Variants in GSE1 observed in about 807,000 individuals in gnomAD.
The protein encoded by GSE1 is genetic suppressor element 1.
In GSE1, 32 loss-of-function variants were observed where a neutral mutation model predicts 112.6. The ratio of observed to expected loss-of-function variants is 0.28; its 90% CI spans 0.21 to 0.38. The LOEUF is 0.38. Among genes scored for constraint, GSE1 ranks in the 10% least tolerant of loss-of-function variants. The pLI is 1.00. For missense variants in GSE1, 2,348 were observed against 1,699.2 expected (o/e 1.38, Z -6.71); for synonymous variants, 1,115 against 735.6 (o/e 1.52, Z -8.35).
intron 2 of GSE1, among the ~76,000 whole-genome samples, chr16:85,389,284 A>AC (rs908599670): frequency 6.6e-6 from 1 of 152,006 alleles, no homozygotes; most frequent in African/African-American, 2.4e-5. Flanking sequence ...ACATGGTGAA[A>AC]CCCCGTCTCT....
At chr16:85,388,905 A>T (rs1330102569) in intron 2 of GSE1, among the ~76,000 whole-genome samples, 1 of 152,142 alleles carries the variant, frequency 6.6e-6, no homozygotes, top group Admixed American at 6.5e-5. Context: ...TAGATGGGGA[A>T]TCCCCAGGGA....
intron 2 of GSE1, among the ~76,000 whole-genome samples, chr16:85,360,847 C>T (rs571145966): frequency 5.3e-5 from 8 of 151,840 alleles, no homozygotes; most frequent in South Asian, 2.1e-4. Context: ...CACAGAAACC[C>T]GTGACACACA....
rs529736500 is a variant in GSE1, at chr16:85,306,554, T to A, written c.2284-50909T>A. Among the ~76,000 whole-genome samples, 248 of 152,326 alleles carry A rather than the reference T, an allele frequency of 1.6e-3. 4 individuals carry two copies. In the South Asian group the frequency reaches 0.036, roughly 22 times the overall value. ...GGGAAATAACTTTCTAGCCTTTTTT[T>A]AAAAATTGTTTTAGAGATGGGGTCT... On this transcript the variant is annotated intron_variant, in intron 1 of 2. Coordinates refer to the GSE1 transcript ENST00000637419.
At chr16:85,509,609 A>G (rs2051665364) in intron 2 of GSE1, among the ~76,000 whole-genome samples, 1 of 152,194 alleles carries the variant, frequency 6.6e-6, no homozygotes, top group Non-Finnish European at 1.5e-5. Context: ...GTGACGTTGA[A>G]TGGAAAGGCC....
intron 1 of GSE1, among the ~76,000 whole-genome samples, chr16:85,355,917 C>G (rs2046942364): frequency 6.6e-6 from 1 of 152,070 alleles, no homozygotes; most frequent in African/African-American, 2.4e-5. Context: ...ATCCCAGCTA[C>G]TCGGGAGGCT....
intron 1 of GSE1, among the ~76,000 whole-genome samples, chr16:85,574,634 G>T (rs1239595153): frequency 6.6e-6 from 1 of 152,236 alleles, no homozygotes; most frequent in Non-Finnish European, 1.5e-5. Flanking sequence ...GCCTCCAGAG[G>T]ACACCTGGGC....
exon 1 of GSE1, chr16:85,169,701 G>T: frequency 1.0e-6 from 1 of 983,544 alleles, no homozygotes; most frequent in Middle Eastern, 5.2e-4. Context: ...CCCCGGCGCA[G>T]CCCTTCTTCC....
intron 2 of GSE1, among the ~76,000 whole-genome samples, chr16:85,501,408 TAG>T (rs2051362554): frequency 6.8e-6 from 1 of 147,390 alleles, no homozygotes; most frequent in African/African-American, 2.5e-5. Context: ...TTTTTTTTTT[TAG>T]GGGATGGAGT....
chr16:85,263,657 C>G (rs1907940818), intron 1 of GSE1, among the ~76,000 whole-genome samples: 1 of 151,858 alleles, frequency 6.6e-6, no homozygotes, highest in South Asian at 2.1e-4. Context: ...ACTGCAACCT[C>G]TGCCTCCAGG....
chr16:85,301,665 T>G (rs2045530837), intron 1 of GSE1, among the ~76,000 whole-genome samples: 1 of 152,214 alleles, frequency 6.6e-6, no homozygotes, highest in African/African-American at 2.4e-5. Context: ...TCTGTTGCCA[T>G]CTGTGTTTCC....
At chr16:85,576,014 C>T (rs2046215350) in intron 1 of GSE1, among the ~76,000 whole-genome samples, 1 of 151,292 alleles carries the variant, frequency 6.6e-6, no homozygotes, top group Admixed American at 6.6e-5. Context: ...GGGAGTATTA[C>T]CTGGAAGAGG....
chr16:85,643,332 A>T (rs1419383708), intron 2 of GSE1, among the ~76,000 whole-genome samples: 1 of 152,122 alleles, frequency 6.6e-6, no homozygotes. Context: ...GCCAGGTGCC[A>T]GCCTCGCTAA....
chr16:85,506,646 G>A (rs747331845), intron 2 of GSE1, among the ~76,000 whole-genome samples: 79 of 151,966 alleles, frequency 5.2e-4, no homozygotes, highest in Non-Finnish European at 7.9e-4. Context: ...ATGTAGAGGG[G>A]GTGTGATTTC....
At chr16:85,365,176 G>T (rs557637787) in intron 2 of GSE1, among the ~76,000 whole-genome samples, 56 of 152,330 alleles carry the variant, frequency 3.7e-4, no homozygotes, top group African/African-American at 1.3e-3. Context: ...TGGGGTCGGG[G>T]CTGTGTCTGA....
At chr16:85,533,346 G>A (rs556693968) in intron 2 of GSE1, among the ~76,000 whole-genome samples, 20 of 152,188 alleles carry the variant, frequency 1.3e-4, no homozygotes, top group Admixed American at 4.6e-4. Flanking sequence ...CTTGAAACTG[G>A]GAGGCGGAGG....
chr16:85,606,420 C>A (rs969217892), upstream of GSE1, among the ~76,000 whole-genome samples: 2 of 152,244 alleles, frequency 1.3e-5, no homozygotes, highest in African/African-American at 4.8e-5. Context: ...GGGCCCTGAA[C>A]GCGGACCTGG....
intron 2 of GSE1, among the ~76,000 whole-genome samples, chr16:85,496,677 G>C (rs541446449): frequency 1.1e-4 from 16 of 152,250 alleles, no homozygotes; most frequent in Admixed American, 5.2e-4. Flanking sequence ...CGCTCAGGAA[G>C]ATTCAAAACA....
chr16:85,465,977 C>A (rs2050110387), intron 2 of GSE1, among the ~76,000 whole-genome samples: 1 of 152,214 alleles, frequency 6.6e-6, no homozygotes, highest in South Asian at 2.1e-4. Flanking sequence ...CTTTGGGATG[C>A]CTTAAAATTG....
At chr16:85,204,248 C>G (rs778112952) in intron 1 of GSE1, among the ~76,000 whole-genome samples, 53 of 152,212 alleles carry the variant, frequency 3.5e-4, no homozygotes, top group Admixed American at 6.5e-4. Context: ...TAGCTTCTCT[C>G]ACTTTGCAAA....
Sources: allele counts gnomAD v4.1 joint callset (sites outside exome capture counted in the v4.1 genomes callset), GRCh38; gene constraint gnomAD v4.1.1; transcripts MANE v1.5; gene names NCBI Gene and HGNC (gene_info 2026-07-23, HGNC 2026-07-21).